BSN: variants seen among roughly 807,000 people sequenced by gnomAD.
The protein encoded by BSN is bassoon presynaptic cytomatrix protein.
A neutral mutation model predicts 264.8 loss-of-function variants in BSN; 57 were observed. That is an observed-to-expected ratio of 0.22 (90% CI 0.17 to 0.27). The LOEUF is 0.27. BSN is among the 10% of genes least tolerant of loss of function. BSN has a pLI of 1.00. For missense variants in BSN, 4,615 were observed against 5,232.5 expected (o/e 0.88, Z 3.64); for synonymous variants, 2,059 against 2,137.3 (o/e 0.96, Z 1.01).
intron 1 of BSN, among the ~76,000 whole-genome samples, chr3:49,558,750 G>A (rs1460035977): frequency 1.3e-5 from 2 of 152,138 alleles, no homozygotes; most frequent in Admixed American, 1.3e-4. Context: ...CATCTGAATG[G>A]TGACGATGTC....
intron 1 of BSN, among the ~76,000 whole-genome samples, chr3:49,608,636 T>C (rs916460307): frequency 6.6e-6 from 1 of 152,118 alleles, no homozygotes; most frequent in Non-Finnish European, 1.5e-5. Context: ...AAGACCCTCC[T>C]GGCCAACATG....
At chr3:49,583,114 G>A (rs903746045) in intron 1 of BSN, among the ~76,000 whole-genome samples, 3 of 151,990 alleles carry the variant, frequency 2.0e-5, no homozygotes, top group Non-Finnish European at 4.4e-5. Flanking sequence ...GATTACAGGT[G>A]CGTGCAACTA....
chr3:49,598,616 G>A (rs1255959293), intron 1 of BSN, among the ~76,000 whole-genome samples: 1 of 152,084 alleles, frequency 6.6e-6, no homozygotes, highest in Non-Finnish European at 1.5e-5. Context: ...ATTCTAGAGA[G>A]GGTCTCACTA....
chr3:49,640,261 A>C (rs1048123326), intron 2 of BSN, among the ~76,000 whole-genome samples: 1 of 152,212 alleles, frequency 6.6e-6, no homozygotes, highest in Non-Finnish European at 1.5e-5. Flanking sequence ...TATGACCTGC[A>C]TGACCAAATT....
intron 2 of BSN, among the ~76,000 whole-genome samples, chr3:49,627,661 T>C (rs1319755902): frequency 6.6e-6 from 1 of 152,182 alleles, no homozygotes. Context: ...GGGATTGCCC[T>C]GGTGTCTCTG....
Position 49,657,590 on chromosome 3 carries a change from T to C in BSN, c.8034T>C (p.Pro2678=). The change falls in exon 5 of 12, where the codon CCT becomes CCC. Residue 2678 remains proline, a synonymous_variant. Coordinates refer to ENST00000296452, the MANE Select transcript of BSN (RefSeq NM_003458.4). ...TISDCSVQTE[P]DQLPRVSPAI... ...GTGACTGCTCCGTGCAGACGGAGCCTGACCAGCTGCCCAGGGTCTCTCCAG... is the reference window on the plus strand; with the variant it reads ...GTGACTGCTCCGTGCAGACGGAGCCCGACCAGCTGCCCAGGGTCTCTCCAG... 1.2e-6 allele frequency: 2 copies of C among 1,611,618 alleles called. No individual in the cohort carries two copies. The highest frequency in any genetic ancestry group is 1.7e-6 in the Non-Finnish European group (2 of 1,178,900).
intron 1 of BSN, among the ~76,000 whole-genome samples, chr3:49,610,814 T>A (rs1017443300): frequency 5.3e-5 from 8 of 152,292 alleles, no homozygotes; most frequent in African/African-American, 1.9e-4. Flanking sequence ...ACTGGGATGT[T>A]TCTGGGGCCA....
rs763269761 is a variant in BSN at position 49,663,058 on chromosome 3, G to A, written c.10900G>A (p.Gly3634Ser). 3.7e-6 allele frequency: 6 copies of A among 1,613,080 alleles called. No homozygotes were observed. Among genetic ancestry groups the A allele is most frequent in the Admixed American group, 1.7e-5 (1 of 60,002 alleles). Residue 3634 changes from glycine (G) to serine (S), a missense_variant, in exon 7 of 12, where the codon GGT becomes AGT. Gly to Ser is a moderately conservative substitution (Grantham distance 56). Around this residue, in one of 3 missense-constraint regions of BSN, gnomAD observed 3,415 missense variants for 3,866.4 expected, o/e 0.88. Transcript: ENST00000296452. ...GGAGGGCCTGTGGCCTCATGATGAG[G>A]GTGGCCCAGGCCGCCATGCCTCAGC... Reference protein sequence around the residue: ...PEEGLWPHDEGGPGRHASAKE... With the variant: ...PEEGLWPHDESGPGRHASAKE...
Position 49,651,213 on chromosome 3 carries a change from G to A in BSN, c.1986+134G>A. ...GGCCACACAGGAGGGAAGGGACACA[G>A]TAGAAGGAAAGTCTAGATGAGGTTC... On this transcript the variant is annotated intron_variant, in intron 4 of 11. Transcript: ENST00000296452. This position sits in a 1 kb window ranked among gnomAD's most constrained non-coding sequence, Gnocchi z 5.4. 1.1e-6 allele frequency: 1 copy of A among 898,288 alleles called. No homozygotes were observed. The highest frequency in any genetic ancestry group is 1.6e-6 in the Non-Finnish European group (1 of 611,672). 55.6% of individuals were successfully genotyped at this position (898,288 alleles called of 1,614,324 possible). A position where few individuals can be genotyped will look rare whatever the true frequency, so the allele number is the denominator to read the frequency against.
chr3:49,611,466 C>A (rs905634858), intron 1 of BSN, among the ~76,000 whole-genome samples: 1 of 152,148 alleles, frequency 6.6e-6, no homozygotes, highest in African/African-American at 2.4e-5. Context: ...GCAGGAGCCT[C>A]CGTGACTTGG....
Position 49,652,182 on chromosome 3 carries a change from A to G in BSN, c.2626A>G (p.Lys876Glu). Reference protein sequence around the residue: ...GRGLAKHGTQKGGPRPRPEPS... With the variant: ...GRGLAKHGTQEGGPRPRPEPS... ...TGGCCTGGCCAAACATGGCACCCAG[A>G]AAGGTGGCCCCAGACCCAGGCCTGA... Residue 876 changes from lysine to glutamate, a missense_variant, in exon 5 of 12, where the codon AAA (lysine) becomes GAA (glutamate). Around this residue, in one of 3 missense-constraint regions of BSN, gnomAD observed 1,197 missense variants for 1,348.0 expected, o/e 0.89. Transcript: ENST00000296452. 6.2e-7 allele frequency: 1 copy of G among 1,613,890 alleles called. No homozygotes were observed. The highest frequency in any genetic ancestry group is 8.5e-7 in the Non-Finnish European group (1 of 1,179,904).
rs192762872 is a variant in BSN at position 49,612,454 on chromosome 3, C to T, written c.225-12521C>T. On this transcript the variant is annotated intron_variant, in intron 1 of 11. Coordinates refer to ENST00000296452, the MANE Select transcript of BSN (RefSeq NM_003458.4). The stretch of plus-strand genomic sequence containing the variant: ...CTGGCCAAATAATGATTTTTCAAGT[C>T]CAGGATCAAAATCAGTCCAGGATGG... 2.1e-3 allele frequency among the ~76,000 whole-genome samples: 319 copies of T among 152,258 alleles called. 2 individuals carry two copies. Among genetic ancestry groups the T allele is most frequent in the Admixed American group, 0.01 (157 of 15,290 alleles).
chr3:49,595,287 G>C (rs1023495733), intron 1 of BSN, among the ~76,000 whole-genome samples: 8 of 151,462 alleles, frequency 5.3e-5, no homozygotes, highest in African/African-American at 1.9e-4. Context: ...CCACCTCCTA[G>C]GTTCAAGCAA....
chr3:49,603,473 A>G (rs1306547793), intron 1 of BSN, among the ~76,000 whole-genome samples: 2 of 152,092 alleles, frequency 1.3e-5, no homozygotes, highest in East Asian at 3.9e-4. Context: ...GTTAGATTAT[A>G]CCATGATTAT....
At position 49,625,899 on chromosome 3, in the gene BSN, G is replaced by GC. The variant is rs1230475280; in HGVS notation, c.633+517dup. Reference sequence around the variant, plus strand: ...GGGCTCTGGGAAGCACCTCTTCTTGGCTTTAGTTCTAGTCAGCTGGGGACC... The same window carrying GC: ...GGGCTCTGGGAAGCACCTCTTCTTGGCCTTTAGTTCTAGTCAGCTGGGGACC... On this transcript the variant is annotated intron_variant, in intron 2 of 11. Coordinates refer to ENST00000296452, the MANE Select transcript of BSN (RefSeq NM_003458.4). This position sits in a 1 kb window ranked among gnomAD's most constrained non-coding sequence, Gnocchi z 4.4. 6.6e-6 allele frequency among the ~76,000 whole-genome samples: 1 copy of GC among 152,188 alleles called. No individual in the cohort carries two copies. Among genetic ancestry groups the GC allele is most frequent in the Non-Finnish European group, 1.5e-5 (1 of 68,022 alleles).
chr3:49,566,518 C>T (rs1387366774), intron 1 of BSN, among the ~76,000 whole-genome samples: 37 of 152,118 alleles, frequency 2.4e-4, no homozygotes, highest in Non-Finnish European at 5.0e-4. Flanking sequence ...GGTGCAGTGG[C>T]TCCCCCCTGT....
chr3:49,617,710 C>A (rs941367001), intron 1 of BSN, among the ~76,000 whole-genome samples: 3 of 152,188 alleles, frequency 2.0e-5, no homozygotes, highest in Non-Finnish European at 4.4e-5. Flanking sequence ...CTCTTCCCTC[C>A]TGAGGAGGCC....
At chr3:49,627,572 C>T (rs1232758073) in intron 2 of BSN, among the ~76,000 whole-genome samples, 1 of 152,184 alleles carries the variant, frequency 6.6e-6, no homozygotes, top group Non-Finnish European at 1.5e-5. Flanking sequence ...TGCTCACACA[C>T]CTGCTGTTAG....
intron 1 of BSN, among the ~76,000 whole-genome samples, chr3:49,586,274 GAGAT>G (rs2051936840): frequency 1.3e-5 from 2 of 152,104 alleles, no homozygotes; most frequent in Admixed American, 1.3e-4. Context: ...TATATGATGA[GAGAT>G]AGGGGTCTAG....
Sources: allele counts gnomAD v4.1 joint callset (sites outside exome capture counted in the v4.1 genomes callset), GRCh38; gene constraint gnomAD v4.1.1; regional missense constraint gnomAD v4.1.1; non-coding constraint Gnocchi (gnomAD v3.1); transcripts MANE v1.5; gene names NCBI Gene and HGNC (gene_info 2026-07-23, HGNC 2026-07-21).